PBX1: variants seen among roughly 807,000 people sequenced by gnomAD.
PBX1 encodes the protein pre-B-cell leukemia transcription factor 1.
A neutral mutation model predicts 53.4 loss-of-function variants in PBX1; 6 were observed. That is an observed-to-expected ratio of 0.11 (90% confidence interval 0.06 to 0.22). PBX1 has a LOEUF of 0.22. Ranked by LOEUF, PBX1 falls within the 10% of genes least tolerant of loss-of-function variation. PBX1 has a pLI of 1.00. For synonymous variants in PBX1, 204 were observed against 212.3 expected (o/e 0.96, Z 0.34); for missense variants, 251 against 551.4 (o/e 0.46, Z 5.46).
intron 2 of PBX1, among the ~76,000 whole-genome samples, chr1:164,602,308 C>T (rs1448033371): frequency 1.8e-4 from 27 of 152,176 alleles, no homozygotes. Context: ...AAGCCATCTC[C>T]CCTCACACCC....
intron 2 of PBX1, among the ~76,000 whole-genome samples, chr1:164,874,679 A>T (rs1672463174): frequency 6.6e-6 from 1 of 152,104 alleles, no homozygotes; most frequent in African/African-American, 2.4e-5. Context: ...TTTTTGGTAG[A>T]GACGAGTTTT....
At chr1:164,876,869 C>A (rs1672525634) in intron 2 of PBX1, among the ~76,000 whole-genome samples, 1 of 152,094 alleles carries the variant, frequency 6.6e-6, no homozygotes, top group Non-Finnish European at 1.5e-5. Context: ...AGAGGCACAT[C>A]CTCCTTTAGG....
At chr1:164,738,013 A>G (rs1205030402) in intron 2 of PBX1, among the ~76,000 whole-genome samples, 1 of 152,050 alleles carries the variant, frequency 6.6e-6, no homozygotes, top group Non-Finnish European at 1.5e-5. Flanking sequence ...TGCTTCATAT[A>G]TATATATATG....
At chr1:164,579,084 C>T (rs1238746571) in intron 2 of PBX1, among the ~76,000 whole-genome samples, 2 of 152,094 alleles carry the variant, frequency 1.3e-5, no homozygotes, top group East Asian at 3.9e-4. Context: ...GCAGCTTAAG[C>T]TACATGGTCT....
intron 2 of PBX1, among the ~76,000 whole-genome samples, chr1:164,860,491 C>A (rs1007656625): frequency 1.3e-5 from 2 of 152,122 alleles, no homozygotes; most frequent in African/African-American, 2.4e-5. Context: ...TCTTATAGCA[C>A]CCCTAGAAAT....
intron 2 of PBX1, among the ~76,000 whole-genome samples, chr1:164,727,566 T>TA (rs1309914741): frequency 4.6e-5 from 7 of 152,192 alleles, no homozygotes; most frequent in African/African-American, 1.7e-4. Context: ...CATTTAGAGT[T>TA]ACATACAGAC....
Position 164,846,707 on chromosome 1 carries a change from G to T in PBX1, c.*31G>T. The T allele has an allele frequency of 6.2e-7, 1 of 1,614,000 alleles. No homozygotes were observed. Among genetic ancestry groups the T allele is most frequent in the South Asian group, 1.1e-5 (1 of 91,074 alleles). ...CAGCAATCGCATCCCGGCTGACCCT[G>T]TGCCCCAGTTGGGGCAGGGGCAGGA... On this transcript the variant is annotated 3_prime_UTR_variant, in exon 9 of 9. Transcript: ENST00000420696.
intron 2 of PBX1, among the ~76,000 whole-genome samples, chr1:164,883,583 A>AT (rs897934634): frequency 5.9e-5 from 9 of 152,140 alleles, no homozygotes; most frequent in African/African-American, 1.4e-4. Flanking sequence ...TTATTGATAG[A>AT]TTTTTTTTAA....
At chr1:164,872,249 G>C (rs1306111964) in intron 2 of PBX1, among the ~76,000 whole-genome samples, 2 of 152,178 alleles carry the variant, frequency 1.3e-5, no homozygotes, top group Non-Finnish European at 2.9e-5. Flanking sequence ...TTCCAGTGGT[G>C]GGGAGTTCAC....
At position 164,848,296 on chromosome 1, in the gene PBX1, C is replaced by T. The variant is rs1288502448; in HGVS notation, c.*1620C>T. The T allele has an allele frequency of 9.5e-7, 1 of 1,056,734 alleles. No individual in the cohort carries two copies. The highest frequency in any genetic ancestry group is 1.1e-6 in the Non-Finnish European group (1 of 874,030). The allele number at this position is 1,056,734 out of a possible 1,614,324, so 65.5% of individuals were successfully genotyped here. On this transcript the variant is annotated 3_prime_UTR_variant, in exon 9 of 9. Coordinates refer to ENST00000420696, the MANE Select transcript of PBX1 (RefSeq NM_002585.4). ...CCAACCCTACCAGTTATAAAGATGG[C>T]AGCTCTATCACTTGATTAAGTGGGA...
intron 2 of PBX1, among the ~76,000 whole-genome samples, chr1:164,879,440 AC>A (rs1249831399): frequency 6.6e-6 from 1 of 152,200 alleles, no homozygotes; most frequent in Non-Finnish European, 1.5e-5. Context: ...AATGTGAGCA[AC>A]CGCTAAAACA....
chr1:164,850,174 G>T lies in PBX1; in HGVS notation c.*3498G>T. The T allele has an allele frequency of 4.4e-6, 1 of 227,614 alleles. No homozygotes were observed. Among genetic ancestry groups the T allele is most frequent in the East Asian group, 6.3e-5 (1 of 15,856 alleles). 14.1% of individuals were successfully genotyped at this position (227,614 alleles called of 1,614,324 possible). A position where few individuals can be genotyped will look rare whatever the true frequency, so the allele number is the denominator to read the frequency against. ...TTCTGTGACAATGCGCATCATTCCT[G>T]CATTAGTTTTTAACACCAGACTACC... On this transcript the variant is annotated 3_prime_UTR_variant, in exon 9 of 9. Transcript: ENST00000420696.
At chr1:164,822,517 A>G (rs970406102) in intron 8 of PBX1, among the ~76,000 whole-genome samples, 2 of 152,212 alleles carry the variant, frequency 1.3e-5, no homozygotes, top group African/African-American at 4.8e-5. Context: ...AGAGTTAGGC[A>G]TGATTTATTA....
intron 8 of PBX1, among the ~76,000 whole-genome samples, chr1:164,834,027 A>ATGTGTGTGTGTGTGTG (rs1289743111): frequency 1.1e-4 from 9 of 79,268 alleles, no homozygotes; most frequent in East Asian, 5.5e-4. Context: ...ATATATATGT[A>ATGTGTGTGTGTGTGTG]TATGTGTGTG....
At chr1:164,742,543 A>G (rs548803193) in intron 2 of PBX1, among the ~76,000 whole-genome samples, 4 of 152,294 alleles carry the variant, frequency 2.6e-5, no homozygotes, top group Admixed American at 1.3e-4. Context: ...CTCTGTCTCA[A>G]AAAAAAGGAT....
At chr1:164,605,025 C>A (rs114639438) in intron 2 of PBX1, among the ~76,000 whole-genome samples, 1,746 of 152,166 alleles carry the variant, frequency 0.011, 16 homozygotes, top group Non-Finnish European at 0.017. Context: ...CATCATAGAC[C>A]CTAATCTCAA....
rs1671768759 is a variant in PBX1 at position 164,850,308 on chromosome 1, G to A, written c.*3632G>A. 5.4e-6 allele frequency: 1 copy of A among 184,798 alleles called. No individual in the cohort carries two copies. The highest frequency in any genetic ancestry group is 2.1e-4 in the South Asian group (1 of 4,720). The allele number at this position is 184,798 out of a possible 1,614,324, so 11.4% of individuals were successfully genotyped here. A position where few individuals can be genotyped will look rare whatever the true frequency, so the allele number is the denominator to read the frequency against. On this transcript the variant is annotated 3_prime_UTR_variant, in exon 9 of 9. Coordinates refer to ENST00000420696, the MANE Select transcript of PBX1 (RefSeq NM_002585.4). ...GCACATCCATTTCTTGTTTCACAAT[G>A]TTTAAAAGTGACAGTAATTCATTTT...
At chr1:164,623,656 C>T (rs770684947) in intron 2 of PBX1, among the ~76,000 whole-genome samples, 3 of 152,180 alleles carry the variant, frequency 2.0e-5, no homozygotes, top group Admixed American at 6.5e-5. Flanking sequence ...CTCTCTGTGT[C>T]TCTGTCTATG....
intron 2 of PBX1, among the ~76,000 whole-genome samples, chr1:164,636,310 G>T (rs1473013114): frequency 6.6e-6 from 1 of 152,136 alleles, no homozygotes; most frequent in Admixed American, 6.5e-5. Flanking sequence ...GTCTGAACAA[G>T]GCTATTTTCA....
Sources: allele counts gnomAD v4.1 joint callset (sites outside exome capture counted in the v4.1 genomes callset), GRCh38; gene constraint gnomAD v4.1.1; transcripts MANE v1.5; gene names NCBI Gene and HGNC (gene_info 2026-07-23, HGNC 2026-07-21).